CCSER1: variants seen among roughly 807,000 people sequenced by gnomAD.
The protein encoded by CCSER1 is serine-rich coiled-coil domain-containing protein 1.
Under a neutral mutation model 82.0 loss-of-function variants are expected in CCSER1, and 41 were observed. The observed-to-expected ratio is 0.50, with a 90% CI of 0.39 to 0.65. The LOEUF (loss-of-function observed/expected upper bound fraction) is 0.65. Ranked by LOEUF, CCSER1 falls within the 30% of genes least tolerant of loss-of-function variation. The pLI is 0.00. For missense variants in CCSER1, 1,119 were observed against 1,064.2 expected (o/e 1.05, Z -0.72); for synonymous variants, 414 against 383.9 (o/e 1.08, Z -0.92).
intron 5 of CCSER1, among the ~76,000 whole-genome samples, chr4:90,530,363 T>G (rs967783998): frequency 1.3e-5 from 2 of 152,152 alleles, no homozygotes; most frequent in African/African-American, 4.8e-5. Flanking sequence ...CTACCCCAGC[T>G]GGTGAACAGG....
At chr4:90,489,699 G>A (rs1767664022) in intron 5 of CCSER1, among the ~76,000 whole-genome samples, 1 of 152,118 alleles carries the variant, frequency 6.6e-6, no homozygotes, top group Non-Finnish European at 1.5e-5. Context: ...AGGCCCTAGT[G>A]TGTGATGTTC....
chr4:90,967,956 G>A lies in CCSER1; in HGVS notation c.2172+44509G>A, dbSNP rs551742346. On this transcript the variant is annotated intron_variant, in intron 9 of 10. Transcript: ENST00000509176. Reference sequence around the variant, plus strand: ...CAGCATCACCCCTTTTCCCAAGGCAGTAAAGCTCAGTGCCAAGAGAGACCC... The same window carrying A: ...CAGCATCACCCCTTTTCCCAAGGCAATAAAGCTCAGTGCCAAGAGAGACCC... Among the ~76,000 whole-genome samples, 14 of 152,162 alleles carry A rather than the reference G, an allele frequency of 9.2e-5. No individual in the cohort carries two copies. In the South Asian group the frequency reaches 2.9e-3, roughly 32 times the overall value.
chr4:90,240,166 A>G (rs1295119167), intron 1 of CCSER1, among the ~76,000 whole-genome samples: 2 of 152,148 alleles, frequency 1.3e-5, no homozygotes, highest in Admixed American at 6.5e-5. Context: ...GGCCAGTAGA[A>G]TAGTCGGCAT....
intron 10 of CCSER1, among the ~76,000 whole-genome samples, chr4:91,487,823 AG>A (rs1758302515): frequency 6.6e-6 from 1 of 152,012 alleles, no homozygotes; most frequent in Admixed American, 6.6e-5. Flanking sequence ...TATCATAATT[AG>A]AACAACATGA....
chr4:91,382,733 AG>A (rs1291993416), intron 10 of CCSER1, among the ~76,000 whole-genome samples: 2 of 152,110 alleles, frequency 1.3e-5, no homozygotes, highest in African/African-American at 4.8e-5. Context: ...CTGTCTGACA[AG>A]CCCCAGTGAG....
chr4:91,424,924 G>C (rs937915320), intron 10 of CCSER1, among the ~76,000 whole-genome samples: 6 of 152,020 alleles, frequency 3.9e-5, no homozygotes, highest in Non-Finnish European at 8.8e-5. Flanking sequence ...CATAGTTCTT[G>C]TTTAATTGAA....
chr4:91,494,081 G>A (rs972233265), intron 10 of CCSER1, among the ~76,000 whole-genome samples: 2 of 151,886 alleles, frequency 1.3e-5, no homozygotes, highest in Non-Finnish European at 2.9e-5. Context: ...AAGAGAGCAC[G>A]TTAGATAAGC....
At chr4:90,417,737 G>A (rs1578375624) in intron 4 of CCSER1, among the ~76,000 whole-genome samples, 2 of 152,224 alleles carry the variant, frequency 1.3e-5, no homozygotes, top group East Asian at 3.9e-4. Context: ...TCTGCAGTGA[G>A]TTAGGAACTC....
intron 10 of CCSER1, among the ~76,000 whole-genome samples, chr4:91,588,406 A>C (rs998883087): frequency 2.6e-5 from 4 of 151,828 alleles, no homozygotes; most frequent in African/African-American, 9.6e-5. Context: ...TTTATACAGC[A>C]AAAGAATGTA....
intron 10 of CCSER1, among the ~76,000 whole-genome samples, chr4:91,414,884 A>G (rs1753264240): frequency 6.6e-6 from 1 of 152,232 alleles, no homozygotes; most frequent in African/African-American, 2.4e-5. Flanking sequence ...AAATGTAAGT[A>G]TAAGTAAGTG....
intron 1 of CCSER1, among the ~76,000 whole-genome samples, chr4:90,169,526 G>A (rs1414410062): frequency 6.6e-6 from 1 of 152,014 alleles, no homozygotes; most frequent in African/African-American, 2.4e-5. Flanking sequence ...GAATAGGAGT[G>A]GTGAGAGAGG....
At chr4:91,078,383 G>C (rs1722267020) in intron 9 of CCSER1, among the ~76,000 whole-genome samples, 1 of 152,098 alleles carries the variant, frequency 6.6e-6, no homozygotes, top group Non-Finnish European at 1.5e-5. Context: ...AGAAGGAAAA[G>C]TAACAAACAG....
chr4:91,205,628 C>T (rs1158724577), intron 10 of CCSER1, among the ~76,000 whole-genome samples: 1 of 151,448 alleles, frequency 6.6e-6, no homozygotes, highest in Non-Finnish European at 1.5e-5. Context: ...TCCTTCCCTC[C>T]CTTCTTCCCT....
intron 10 of CCSER1, among the ~76,000 whole-genome samples, chr4:91,267,610 A>T (rs1741702929): frequency 6.6e-6 from 1 of 152,228 alleles, no homozygotes; most frequent in African/African-American, 2.4e-5. Flanking sequence ...ATTAATACAC[A>T]GTGCATGCTG....
At chr4:90,475,980 A>G (rs1578667308) in intron 5 of CCSER1, among the ~76,000 whole-genome samples, 1 of 152,098 alleles carries the variant, frequency 6.6e-6, no homozygotes. Context: ...GGCCCCACAT[A>G]AAGCCCTAGA....
intron 8 of CCSER1, among the ~76,000 whole-genome samples, chr4:90,838,709 G>A (rs1762132329): frequency 6.6e-6 from 1 of 152,108 alleles, no homozygotes. Context: ...TTCCTTCCCT[G>A]CCAGCCAGAC....
At chr4:91,000,435 G>A (rs925527395) in intron 9 of CCSER1, among the ~76,000 whole-genome samples, 1 of 151,956 alleles carries the variant, frequency 6.6e-6, no homozygotes, top group Non-Finnish European at 1.5e-5. Flanking sequence ...ATGAATTTTA[G>A]TATAATGTTT....
At chr4:90,310,174 T>G (rs766745084) in intron 2 of CCSER1, among the ~76,000 whole-genome samples, 6 of 152,062 alleles carry the variant, frequency 3.9e-5, no homozygotes, top group African/African-American at 4.8e-5. Context: ...AAAACCTATC[T>G]TTGGAAGCTG....
At chr4:91,473,888 A>G (rs544018655) in intron 10 of CCSER1, among the ~76,000 whole-genome samples, 1 of 152,222 alleles carries the variant, frequency 6.6e-6, no homozygotes, top group Non-Finnish European at 1.5e-5. Flanking sequence ...TCAACTCTGT[A>G]GTGTCTGTTT....
Sources: gnomAD v4.1 joint callset for allele counts (sites outside exome capture counted in the v4.1 genomes callset) on GRCh38, gnomAD v4.1.1 for gene constraint, MANE v1.5 for transcripts, NCBI Gene and HGNC (gene_info 2026-07-23, HGNC 2026-07-21) for gene names.